The following CSNK1G1 variants were observed in gnomAD, a reference collection of about 807,000 sequenced individuals.
The protein encoded by CSNK1G1 is casein kinase I isoform gamma-1.
CSNK1G1 carries 22 observed loss-of-function variants against 59.6 expected under a neutral mutation model. The observed-to-expected ratio is 0.37, with a 90% CI of 0.26 to 0.53. The LOEUF (loss-of-function observed/expected upper bound fraction) is 0.53, where lower values mean the gene tolerates loss of function less well. Among genes scored for constraint, CSNK1G1 ranks in the 20% least tolerant of loss-of-function variants. The pLI is 0.89. For synonymous variants in CSNK1G1, 179 were observed against 177.1 expected, an observed-to-expected ratio of 1.01 and a Z score of -0.08; for missense variants, 384 against 519.5, an observed-to-expected ratio of 0.74 and a Z score of 2.54.
intron 1 of CSNK1G1, among the ~76,000 whole-genome samples, chr15:64,330,425 C>T (rs1897059694): frequency 1.3e-5 from 2 of 151,062 alleles, no homozygotes; most frequent in East Asian, 2.0e-4. Flanking sequence ...AGACAAAAAC[C>T]ACATGATTAT....
intron 11 of CSNK1G1, among the ~76,000 whole-genome samples, 189 bp from the exon 12 acceptor site, chr15:64,172,174 T>C (rs189246046): frequency 6.3e-4 from 96 of 152,302 alleles, no homozygotes; most frequent in Admixed American, 2.5e-3. Context: ...AGGAAATAGC[T>C]GCTTGATTTC....
Position 64,295,377 on chromosome 15 carries a change from C to A in CSNK1G1, c.181+4942G>T, listed in dbSNP as rs1894966506. ...TTTACATCTTCCTCATTTATAAGGTCTCTTCAAGCTGGCACATTTAGTCAT... is the reference window on the plus strand; with the variant it reads ...TTTACATCTTCCTCATTTATAAGGTATCTTCAAGCTGGCACATTTAGTCAT... On this transcript the variant is annotated intron_variant, in intron 2 of 11. Coordinates refer to ENST00000303052, the MANE Select transcript of CSNK1G1 (RefSeq NM_022048.5). Among the ~76,000 whole-genome samples, 3 of 152,306 alleles carry A rather than the reference C, an allele frequency of 2.0e-5. No homozygotes were observed. The South Asian group carries it at 6.2e-4, about 32-fold the overall frequency.
In CSNK1G1 at chr15:64,171,186, A is replaced by G. The variant is rs1453924243; in HGVS notation, c.*745T>C. 3 of 152,584 alleles carry G rather than the reference A, an allele frequency of 2.0e-5. No individual in the cohort carries two copies. The highest frequency in any genetic ancestry group is 4.4e-5 in the Non-Finnish European group (3 of 68,040). 9.5% of individuals were successfully genotyped at this position (152,584 alleles called of 1,614,324 possible). On this transcript the variant is annotated 3_prime_UTR_variant, in exon 12 of 12. Transcript: ENST00000303052. The surrounding 1 kb of genome is among the most constrained non-coding windows in gnomAD (Gnocchi z 4.8). The stretch of plus-strand genomic sequence containing the variant: ...TTTTTTTAAAAAAACTAAAAGTGCA[A>G]CAAAGTCAGTTTTCTTTCCTTTGCT...
intron 4 of CSNK1G1, among the ~76,000 whole-genome samples, chr15:64,228,795 T>A (rs2082498579): frequency 6.6e-6 from 1 of 152,084 alleles, no homozygotes; most frequent in African/African-American, 2.4e-5. Context: ...GCAGGTGGAT[T>A]GCTTGTGCTC....
At chr15:64,255,731 G>A (rs555385842) in intron 3 of CSNK1G1, among the ~76,000 whole-genome samples, 27 of 152,076 alleles carry the variant, frequency 1.8e-4, no homozygotes, top group Non-Finnish European at 1.9e-4. Context: ...GAATCCACTT[G>A]AAGTTTTCTG....
intron 4 of CSNK1G1, among the ~76,000 whole-genome samples, chr15:64,245,682 A>G (rs904621598): frequency 4.0e-5 from 6 of 151,890 alleles, no homozygotes; most frequent in African/African-American, 1.2e-4. Context: ...AGGTGGGAGG[A>G]TAGTTTGAGC....
rs1286302287 is a variant in CSNK1G1, at chr15:64,200,010, T to G, written c.1107+3072A>C. 6.6e-6 allele frequency among the ~76,000 whole-genome samples: 1 copy of G among 152,188 alleles called. No homozygotes were observed. The highest frequency in any genetic ancestry group is 2.4e-5 in the African/African-American group (1 of 41,450). ...CTGTAATTGCAGCACTTTGTGAGGC[T>G]GAGGCAGGTGGATCACCTGAGGTTA... is the stretch of plus-strand genomic sequence containing the variant. On this transcript the variant is annotated intron_variant, in intron 10 of 11. Coordinates refer to ENST00000303052, the MANE Select transcript of CSNK1G1 (RefSeq NM_022048.5). This position sits in a 1 kb window ranked among gnomAD's most constrained non-coding sequence, Gnocchi z 4.3.
Position 64,188,296 on chromosome 15 carries a change from G to T in CSNK1G1, c.1108-7842C>A. ...TCCTGTAAGCTTCCTTTCTAAGGCT[G>T]CCGAAGGTTCAGAAGCAAGCCAACA... On this transcript the variant is annotated intron_variant, in intron 10 of 11. Coordinates refer to ENST00000303052, the MANE Select transcript of CSNK1G1 (RefSeq NM_022048.5). This position sits in a 1 kb window ranked among gnomAD's most constrained non-coding sequence, Gnocchi z 4.2. 2.0e-6 allele frequency: 2 copies of T among 1,022,348 alleles called. No individual in the cohort carries two copies. Among genetic ancestry groups the T allele is most frequent in the African/African-American group, 1.6e-5 (1 of 62,470 alleles). 63.3% of individuals were successfully genotyped at this position (1,022,348 alleles called of 1,614,324 possible). A position where few individuals can be genotyped will look rare whatever the true frequency, so the allele number is the denominator to read the frequency against.
rs2081657993 is a variant in CSNK1G1 at position 64,171,050 on chromosome 15, C to G, written c.*881G>C. The G allele has an allele frequency of 6.6e-6, 1 of 152,596 alleles. No individual in the cohort carries two copies. The highest frequency in any genetic ancestry group is 2.4e-5 in the African/African-American group (1 of 41,398). 9.5% of individuals were successfully genotyped at this position (152,596 alleles called of 1,614,324 possible). On this transcript the variant is annotated 3_prime_UTR_variant, in exon 12 of 12. Transcript: ENST00000303052. This position sits in a 1 kb window ranked among gnomAD's most constrained non-coding sequence, Gnocchi z 4.8. ...CTTTCCACTGAGAATGTCCTCTGGA[C>G]CCATGTTCTCTCTGAATGGCTTGGC...
intron 2 of CSNK1G1, among the ~76,000 whole-genome samples, chr15:64,286,676 G>A (rs1399018594): frequency 6.6e-6 from 1 of 152,036 alleles, no homozygotes; most frequent in Non-Finnish European, 1.5e-5. Flanking sequence ...AAAACCAGAT[G>A]CTCAATACAA....
chr15:64,355,048 T>G (rs1445096319), intron 1 of CSNK1G1, among the ~76,000 whole-genome samples: 1 of 152,216 alleles, frequency 6.6e-6, no homozygotes, highest in Non-Finnish European at 1.5e-5. Context: ...AGAGGATCTT[T>G]CTACTTCATT....
chr15:64,327,228 G>C (rs1286943893), intron 1 of CSNK1G1, among the ~76,000 whole-genome samples: 1 of 152,172 alleles, frequency 6.6e-6, no homozygotes, highest in Non-Finnish European at 1.5e-5. Context: ...GCACGGCACA[G>C]ACAAACAAAA....
At chr15:64,243,534 G>C (rs895500292) in intron 4 of CSNK1G1, among the ~76,000 whole-genome samples, 2 of 151,976 alleles carry the variant, frequency 1.3e-5, no homozygotes, top group Admixed American at 1.3e-4. Context: ...CATAGTACTA[G>C]AAGTACTATC....
chr15:64,342,449 A>ATTTCCTCACTAGATTATCCACTAGATATG (rs1897728478), intron 1 of CSNK1G1: 1 of 152,212 alleles, frequency 6.6e-6, no homozygotes. Context: ...GCTAGATTAC[A>ATTTCCTCACTAGATTATCCACTAGATATG]TCCACTAGAT....
At chr15:64,337,472 C>T (rs1596294901) in intron 1 of CSNK1G1, among the ~76,000 whole-genome samples, 1 of 152,168 alleles carries the variant, frequency 6.6e-6, no homozygotes, top group East Asian at 1.9e-4. Context: ...CTTCAGCCTC[C>T]CGAACAGCTA....
At chr15:64,262,184 A>G (rs1399747850) in intron 2 of CSNK1G1, among the ~76,000 whole-genome samples, 1 of 152,210 alleles carries the variant, frequency 6.6e-6, no homozygotes, top group African/African-American at 2.4e-5. Flanking sequence ...ATCTAAGATG[A>G]GCAACCTCAG....
intron 2 of CSNK1G1, among the ~76,000 whole-genome samples, chr15:64,299,872 G>C (rs1346712173): frequency 6.6e-6 from 1 of 152,062 alleles, no homozygotes; most frequent in African/African-American, 2.4e-5. Context: ...TGCAGACTAA[G>C]CCTGGGTATT....
At chr15:64,186,658 T>C (rs141692302) in intron 10 of CSNK1G1, among the ~76,000 whole-genome samples, 32 of 152,134 alleles carry the variant, frequency 2.1e-4, no homozygotes, top group Admixed American at 7.2e-4. Context: ...TATAGGCACA[T>C]AGCACCACAC....
At chr15:64,278,902 CTTTTT>C (rs201242405) in intron 2 of CSNK1G1, among the ~76,000 whole-genome samples, 1 of 151,962 alleles carries the variant, frequency 6.6e-6, no homozygotes, top group African/African-American at 2.4e-5. Context: ...ATGTGTTTCA[CTTTTT>C]TTTAAGTCTT....
Sources: allele counts gnomAD v4.1 joint callset (sites outside exome capture counted in the v4.1 genomes callset), GRCh38; gene constraint gnomAD v4.1.1; non-coding constraint Gnocchi (gnomAD v3.1); transcripts MANE v1.5; gene names NCBI Gene and HGNC (gene_info 2026-07-23, HGNC 2026-07-21).